PAXIP1: variants seen among roughly 807,000 people sequenced by gnomAD.
The protein encoded by PAXIP1 is PAX-interacting protein 1.
Under a neutral mutation model 140.6 loss-of-function variants are expected in PAXIP1, and 19 were observed. The ratio of observed to expected loss-of-function variants is 0.14; its 90% CI spans 0.09 to 0.20. The LOEUF (loss-of-function observed/expected upper bound fraction) is 0.20, where lower values mean the gene tolerates loss of function less well. Ranked by LOEUF, PAXIP1 falls within the 10% of genes least tolerant of loss-of-function variation. The pLI is 1.00. For synonymous variants in PAXIP1, 442 were observed against 444.6 expected (o/e 0.99, Z 0.07); for missense variants, 920 against 1,208.6 (o/e 0.76, Z 3.54).
intron 5 of PAXIP1, among the ~76,000 whole-genome samples, chr7:154,977,447 GGCA>G (rs1809634700): frequency 6.6e-6 from 1 of 152,168 alleles, no homozygotes; most frequent in African/African-American, 2.4e-5. Context: ...AGGGATGCGG[GGCA>G]GCAGCACAGA....
chr7:154,952,206 G>A (rs1405540745), intron 16 of PAXIP1: 34 of 152,062 alleles, frequency 2.2e-4, no homozygotes, highest in Admixed American at 2.1e-3. Context: ...CATGCGAGCC[G>A]CATTATTTCA....
At chr7:154,989,003 A>G (rs1184301506) in intron 4 of PAXIP1, among the ~76,000 whole-genome samples, 1 of 152,222 alleles carries the variant, frequency 6.6e-6, no homozygotes, top group African/African-American at 2.4e-5. Flanking sequence ...GCCAACTTTA[A>G]AGATCATTCA....
chr7:154,957,343 T>C lies in PAXIP1; in HGVS notation c.2479-49A>G, dbSNP rs757197632. 14 of 957,514 alleles carry C rather than the reference T, an allele frequency of 1.5e-5. No individual in the cohort carries two copies. The South Asian group carries it at 2.1e-4, about 14-fold the overall frequency. The allele number at this position is 957,514 out of a possible 1,614,324, so 59.3% of individuals were successfully genotyped here. On this transcript the variant is annotated intron_variant, in intron 13 of 20. Transcript: ENST00000404141. ...TTAATTCAATCAATCTACTAAGTAA[T>C]ACAGTAGCTTCCAGAAGATTTATGT...
intron 15 of PAXIP1, among the ~76,000 whole-genome samples, chr7:154,955,010 T>C (rs1398220203): frequency 6.6e-6 from 1 of 152,238 alleles, no homozygotes; most frequent in Non-Finnish European, 1.5e-5. Context: ...GGTCAACTTA[T>C]ACTCTTAACC....
chr7:154,948,101 T>C, intron 16 of PAXIP1, 98 bp from the exon 17 acceptor site: 1 of 782,126 alleles, frequency 1.3e-6, no homozygotes, highest in Non-Finnish European at 2.3e-6. Context: ...GTACATAATA[T>C]TACAGCTACA....
chr7:154,950,671 C>T (rs1808232662), intron 16 of PAXIP1: 1 of 152,252 alleles, frequency 6.6e-6, no homozygotes, highest in East Asian at 1.9e-4. Flanking sequence ...CACACTAAAA[C>T]CTGTACATGG....
At chr7:154,960,017 C>A in intron 12 of PAXIP1, 84 bp from the exon 13 acceptor site, 1 of 836,226 alleles carries the variant, frequency 1.2e-6, no homozygotes, top group Non-Finnish European at 2.1e-6. Flanking sequence ...CCCTGATAAT[C>A]CTCACCAGAC....
intron 1 of PAXIP1, among the ~76,000 whole-genome samples, chr7:155,002,305 G>GAGC (rs1810943337): frequency 6.6e-6 from 1 of 152,206 alleles, no homozygotes; most frequent in Admixed American, 6.5e-5. Flanking sequence ...GGCTGGAAGG[G>GAGC]AGCGCTCCTC....
chr7:154,981,070 G>C (rs930918149), intron 5 of PAXIP1, among the ~76,000 whole-genome samples: 4 of 152,050 alleles, frequency 2.6e-5, no homozygotes, highest in Admixed American at 2.6e-4. Flanking sequence ...GCAGTGAGCT[G>C]AGATCGCACC....
At chr7:154,945,645 G>A (rs1454909069) in intron 20 of PAXIP1, 3 of 985,108 alleles carry the variant, frequency 3.0e-6, no homozygotes, top group Admixed American at 1.2e-4. Flanking sequence ...CATTGCAGGA[G>A]GCCCAGGGAG....
rs1321782243 is a variant in PAXIP1 at position 154,973,969 on chromosome 7, G to A, written c.1074+1727C>T. On this transcript the variant is annotated intron_variant, in intron 6 of 20. Coordinates refer to ENST00000404141, the MANE Select transcript of PAXIP1 (RefSeq NM_007349.4). This position sits in a 1 kb window ranked among gnomAD's most constrained non-coding sequence, Gnocchi z 4.0. ...CAGCCCAGCTGGCTCTCAATGGTGC[G>A]GCTCCTCAGAGCCTGGCCCCAGACC... Among the ~76,000 whole-genome samples, 3 of 152,170 alleles carry A rather than the reference G, an allele frequency of 2.0e-5. No individual in the cohort carries two copies. The highest frequency in any genetic ancestry group is 7.2e-5 in the African/African-American group (3 of 41,458).
rs770831458 is a variant in PAXIP1, at chr7:155,002,844, G to A, written c.81+5C>T. On this transcript the variant is annotated splice_donor_5th_base_variant and intron_variant, in intron 1 of 20. Transcript: ENST00000404141. ...AGGAGGCCGCGGCAGGGGCGGGCGC[G>A]GTACCTGCGGGTCGATGTCGCCCAC... 3.6e-6 allele frequency: 5 copies of A among 1,370,218 alleles called. No homozygotes were observed. The highest frequency in any genetic ancestry group is 2.4e-5 in the Admixed American group (1 of 41,882). 84.9% of individuals were successfully genotyped at this position (1,370,218 alleles called of 1,614,324 possible). A position where few individuals can be genotyped will look rare whatever the true frequency, so the allele number is the denominator to read the frequency against.
rs376216992 is a variant in PAXIP1, at chr7:154,975,679, C to T, written c.1074+17G>A. 1.2e-5 allele frequency: 19 copies of T among 1,526,796 alleles called. No individual in the cohort carries two copies. The highest frequency in any genetic ancestry group is 5.9e-5 in the South Asian group (5 of 85,240). The allele number at this position is 1,526,796 out of a possible 1,614,324, so 94.6% of individuals were successfully genotyped here. A position where few individuals can be genotyped will look rare whatever the true frequency, so the allele number is the denominator to read the frequency against. On this transcript the variant is annotated intron_variant, in intron 6 of 20. Transcript: ENST00000404141. ...TAAGATCCAATACTGACATTTTTTTCGGAAAGAGTGACTTACATGTGCTAC... is the reference window on the plus strand; with the variant it reads ...TAAGATCCAATACTGACATTTTTTTTGGAAAGAGTGACTTACATGTGCTAC...
intron 3 of PAXIP1, 87 bp downstream of exon 3, chr7:154,993,639 C>A: frequency 1.0e-6 from 1 of 975,640 alleles, no homozygotes; most frequent in South Asian, 1.4e-5. Context: ...CGAATGAATC[C>A]ACTTTTCACT....
At chr7:154,969,483 G>A (rs1219094091) in intron 6 of PAXIP1, among the ~76,000 whole-genome samples, 3 of 152,244 alleles carry the variant, frequency 2.0e-5, no homozygotes, top group Non-Finnish European at 2.9e-5. Flanking sequence ...TCCCTGCACC[G>A]TGCTGCGGCA....
chr7:154,977,308 A>C (rs888428448), intron 5 of PAXIP1, among the ~76,000 whole-genome samples: 2 of 152,266 alleles, frequency 1.3e-5, no homozygotes, highest in Non-Finnish European at 2.9e-5. Context: ...TGTGCTCCTA[A>C]AAGCTTAACA....
At chr7:154,949,994 T>C (rs1047765366) in intron 16 of PAXIP1, 1 of 152,180 alleles carries the variant, frequency 6.6e-6, no homozygotes, top group Non-Finnish European at 1.5e-5. Context: ...TTTTGGTTTT[T>C]TCAAACAGGG....
intron 20 of PAXIP1, chr7:154,945,682 G>T (rs893018886): frequency 1.0e-6 from 1 of 985,284 alleles, no homozygotes; most frequent in Admixed American, 6.1e-5. Flanking sequence ...CCTGAGAGAA[G>T]GTGCTCTGCA....
intron 4 of PAXIP1, among the ~76,000 whole-genome samples, chr7:154,984,393 A>G (rs1429152032): frequency 1.3e-5 from 2 of 152,222 alleles, no homozygotes; most frequent in Non-Finnish European, 2.9e-5. Context: ...ATAGTTGTTG[A>G]AGAATCCTGA....
Sources: allele counts gnomAD v4.1 joint callset (sites outside exome capture counted in the v4.1 genomes callset), GRCh38; gene constraint gnomAD v4.1.1; non-coding constraint Gnocchi (gnomAD v3.1); transcripts MANE v1.5; gene names NCBI Gene and HGNC (gene_info 2026-07-23, HGNC 2026-07-21).